The following LYST variants were observed in gnomAD, a reference collection of about 807,000 sequenced individuals.
LYST encodes the protein lysosomal trafficking regulator.
Under a neutral mutation model 413.6 loss-of-function variants are expected in LYST, and 192 were observed. That is an observed-to-expected ratio of 0.46 (90% CI 0.41 to 0.52). LYST has a LOEUF of 0.52. LYST is among the 20% of genes least tolerant of loss of function. The probability of loss-of-function intolerance (pLI) is 0.00; values close to 1 mark genes in which losing one functional copy is unlikely to be tolerated. For synonymous variants in LYST, 1,525 were observed against 1,567.3 expected, an observed-to-expected ratio of 0.97 and a Z score of 0.64; for missense variants, 3,815 against 4,499.9, an observed-to-expected ratio of 0.85 and a Z score of 4.35.
At chr1:235,665,631 A>AAAAG (rs1658379596) in intron 50 of LYST, among the ~76,000 whole-genome samples, 7 of 150,238 alleles carry the variant, frequency 4.7e-5, no homozygotes, top group Non-Finnish European at 8.9e-5. Flanking sequence ...AAAAAAAAAA[A>AAAAG]GTGACTTATG....
intron 1 of LYST, among the ~76,000 whole-genome samples, chr1:235,834,087 G>A (rs1207516575): frequency 6.6e-6 from 1 of 152,086 alleles, no homozygotes; most frequent in African/African-American, 2.4e-5. Context: ...GGTATTTGAG[G>A]ATACATAAGA....
intron 44 of LYST, among the ~76,000 whole-genome samples, chr1:235,705,544 C>A (rs985198123): frequency 6.6e-6 from 1 of 151,824 alleles, no homozygotes; most frequent in Non-Finnish European, 1.5e-5. Context: ...TGCCACCATG[C>A]CCAGCTAATT....
Position 235,793,620 on chromosome 1 carries a change from A to G in LYST, c.4007-8T>C. On this transcript the variant is annotated splice_polypyrimidine_tract_variant and splice_region_variant and intron_variant, in intron 10 of 52. Coordinates refer to ENST00000389793, the MANE Select transcript of LYST (RefSeq NM_000081.4). ...CCAATACTCTCTGGCATGCTAAATT[A>G]AAGAAAGAGGGAAAAAATTAAAGCT... 1 of 1,478,954 alleles carries G rather than the reference A, an allele frequency of 6.8e-7. No homozygotes were observed. Among genetic ancestry groups the G allele is most frequent in the Non-Finnish European group, 9.4e-7 (1 of 1,058,594 alleles). 91.6% of individuals were successfully genotyped at this position (1,478,954 alleles called of 1,614,324 possible). A position where few individuals can be genotyped will look rare whatever the true frequency, so the allele number is the denominator to read the frequency against.
chr1:235,857,148 T>C (rs897709952), intron 1 of LYST, among the ~76,000 whole-genome samples: 3 of 152,144 alleles, frequency 2.0e-5, no homozygotes, highest in African/African-American at 7.2e-5. Flanking sequence ...GGTTTCACCA[T>C]GTTGGCCAGG....
At chr1:235,806,854 C>G in intron 5 of LYST, 82 bp from the exon 6 acceptor site, 1 of 908,214 alleles carries the variant, frequency 1.1e-6, no homozygotes, top group South Asian at 1.5e-5. Flanking sequence ...TTTAATATAT[C>G]GCTATTGCAT....
In LYST at chr1:235,686,116, C is replaced by A. The variant is rs1385449014; in HGVS notation, c.10800+833G>T. Among the ~76,000 whole-genome samples, 1 of 152,088 alleles carries A rather than the reference C, an allele frequency of 6.6e-6. No individual in the cohort carries two copies. The highest frequency in any genetic ancestry group is 2.4e-5 in the African/African-American group (1 of 41,400). ...GCGTGATGGCTCACACCTATAATCC[C>A]AGCACTTTGGGAGGCCGAGGTGGGA... is the stretch of plus-strand genomic sequence containing the variant. On this transcript the variant is annotated intron_variant, in intron 48 of 52. Coordinates refer to ENST00000389793, the MANE Select transcript of LYST (RefSeq NM_000081.4). This position sits in a 1 kb window ranked among gnomAD's most constrained non-coding sequence, Gnocchi z 4.0.
chr1:235,811,234 A>T (rs1254409408), intron 4 of LYST, among the ~76,000 whole-genome samples: 4 of 152,216 alleles, frequency 2.6e-5, no homozygotes, highest in Non-Finnish European at 5.9e-5. Context: ...AACATAAGAG[A>T]TGCTGTAGAT....
At chr1:235,735,758 G>A (rs540560051) in intron 31 of LYST, 2 of 152,144 alleles carry the variant, frequency 1.3e-5, no homozygotes, top group African/African-American at 4.8e-5. Flanking sequence ...GAATCACATC[G>A]TGTCATTTCC....
chr1:235,772,373 G>T (rs2103428589), intron 19 of LYST, among the ~76,000 whole-genome samples: 1 of 151,930 alleles, frequency 6.6e-6, no homozygotes, highest in Non-Finnish European at 1.5e-5. Context: ...AATATTTGTT[G>T]ATAATCTTGT....
intron 17 of LYST, 27 bp from the exon 18 acceptor site, chr1:235,775,113 T>C (rs762388509): frequency 2.2e-5 from 35 of 1,575,932 alleles, no homozygotes; most frequent in Non-Finnish European, 3.0e-5. Flanking sequence ...GTGGATATAG[T>C]TTTCTCCCAA....
chr1:235,733,752 G>T, intron 33 of LYST, 61 bp from the exon 34 acceptor site: 1 of 1,514,904 alleles, frequency 6.6e-7, no homozygotes, highest in Non-Finnish European at 9.2e-7. Context: ...ATCAGAACAT[G>T]ATACTTTAAA....
Position 235,788,689 on chromosome 1 carries a change from G to A in LYST, c.4688+12C>T. ...CATTATCTATTCATGGGAGGCTGAG[G>A]ATAATCAATACCGAAAGATAAGAGT... On this transcript the variant is annotated intron_variant, in intron 13 of 52. Transcript: ENST00000389793. 1 of 1,608,218 alleles carries A rather than the reference G, an allele frequency of 6.2e-7. No homozygotes were observed. The highest frequency in any genetic ancestry group is 8.5e-7 in the Non-Finnish European group (1 of 1,174,870).
At chr1:235,796,001 G>A (rs898831304) in intron 10 of LYST, among the ~76,000 whole-genome samples, 14 of 151,634 alleles carry the variant, frequency 9.2e-5, no homozygotes, top group African/African-American at 3.1e-4. Context: ...TAAAATTACC[G>A]AAATAAAAAA....
intron 1 of LYST, among the ~76,000 whole-genome samples, chr1:235,866,512 C>A (rs1156564826): frequency 1.3e-5 from 2 of 152,260 alleles, no homozygotes; most frequent in African/African-American, 2.4e-5. Context: ...TGCTCGACCT[C>A]GCCCCCCGCG....
chr1:235,793,085 T>TAA (rs1671192188), intron 11 of LYST, among the ~76,000 whole-genome samples: 1 of 152,200 alleles, frequency 6.6e-6, no homozygotes, highest in Non-Finnish European at 1.5e-5. Flanking sequence ...GATAATAGTT[T>TAA]AAAAGACACT....
Position 235,751,379 on chromosome 1 carries a change from C to A in LYST, c.7628-17G>T, listed in dbSNP as rs762042545. 1 of 1,607,636 alleles carries A rather than the reference C, an allele frequency of 6.2e-7. No individual in the cohort carries two copies. The highest frequency in any genetic ancestry group is 8.5e-7 in the Non-Finnish European group (1 of 1,174,810). The stretch of plus-strand genomic sequence containing the variant: ...CAGCCATATCTAAAAACAGAAGATA[C>A]TAGAATGTTTTCAAGCTATGTGGTT... On this transcript the variant is annotated splice_polypyrimidine_tract_variant and intron_variant, in intron 27 of 52. Transcript: ENST00000389793.
At chr1:235,694,847 C>G (rs563095132) in intron 46 of LYST, among the ~76,000 whole-genome samples, 1 of 149,274 alleles carries the variant, frequency 6.7e-6, no homozygotes, top group African/African-American at 2.5e-5. Context: ...TTTTTTTTTT[C>G]TTTCAGAAAA....
At chr1:235,732,226 A>G (rs1455144546) in intron 34 of LYST, among the ~76,000 whole-genome samples, 3 of 152,234 alleles carry the variant, frequency 2.0e-5, no homozygotes, top group East Asian at 1.9e-4. Context: ...GTATTTAACC[A>G]TATTACGGTT....
intron 31 of LYST, chr1:235,738,069 A>C (rs990593830): frequency 2.1e-5 from 33 of 1,597,784 alleles, no homozygotes; most frequent in Non-Finnish European, 2.7e-5. Flanking sequence ...GAATAAGATT[A>C]CAGTTGTTGG....
Sources: allele counts gnomAD v4.1 joint callset (sites outside exome capture counted in the v4.1 genomes callset), GRCh38; gene constraint gnomAD v4.1.1; non-coding constraint Gnocchi (gnomAD v3.1); transcripts MANE v1.5; gene names NCBI Gene and HGNC (gene_info 2026-07-23, HGNC 2026-07-21).